The following RPRD1B variants were observed in gnomAD, a reference collection of about 807,000 sequenced individuals.
RPRD1B encodes regulation of nuclear pre-mRNA domain-containing protein 1B.
Under a neutral mutation model 41.5 loss-of-function variants are expected in RPRD1B, and 11 were observed. The ratio of observed to expected loss-of-function variants is 0.27; its 90% confidence interval spans 0.17 to 0.44. RPRD1B has a LOEUF of 0.44. Among genes scored for constraint, RPRD1B ranks in the 20% least tolerant of loss-of-function variants. The pLI is 1.00. For missense variants in RPRD1B, 248 were observed against 389.9 expected, an observed-to-expected ratio of 0.64 and a Z score of 3.06; for synonymous variants, 158 against 155.6, an observed-to-expected ratio of 1.02 and a Z score of -0.12.
intron 6 of RPRD1B, chr20:38,070,372 A>G (rs760513785): frequency 1.2e-4 from 123 of 985,418 alleles, no homozygotes; most frequent in Non-Finnish European, 1.5e-4. Flanking sequence ...GGAAGCACAA[A>G]TGGCAGCCCA....
intron 6 of RPRD1B, among the ~76,000 whole-genome samples, chr20:38,074,174 C>CT (rs1489002839): frequency 1.3e-5 from 2 of 152,032 alleles, no homozygotes; most frequent in Admixed American, 1.3e-4. Context: ...CTTTTATTTT[C>CT]TTTTTTTCCG....
intron 6 of RPRD1B, among the ~76,000 whole-genome samples, chr20:38,084,377 A>T (rs2074542023): frequency 6.6e-6 from 1 of 152,338 alleles, no homozygotes; most frequent in South Asian, 2.1e-4. Context: ...ACAGGGCAAG[A>T]TGATGGAGAT....
At chr20:38,044,682 C>G (rs777597468) in intron 2 of RPRD1B, among the ~76,000 whole-genome samples, 1 of 152,108 alleles carries the variant, frequency 6.6e-6, no homozygotes, top group Non-Finnish European at 1.5e-5. Flanking sequence ...CTCAGGTGTT[C>G]ATTAAGAACC....
intron 1 of RPRD1B, 78 bp downstream of exon 1, chr20:38,034,176 C>G: frequency 1.4e-6 from 2 of 1,454,948 alleles, no homozygotes; most frequent in South Asian, 1.3e-5. Context: ...CCCTCTAAGC[C>G]TCTTCATTGA....
At chr20:38,083,355 G>A (rs1367768896) in intron 6 of RPRD1B, among the ~76,000 whole-genome samples, 2 of 152,186 alleles carry the variant, frequency 1.3e-5, no homozygotes, top group African/African-American at 4.8e-5. Flanking sequence ...CATTTTATGA[G>A]CATCTGTTAA....
intron 1 of RPRD1B, among the ~76,000 whole-genome samples, chr20:38,038,657 T>C (rs555373891): frequency 2.0e-5 from 3 of 151,916 alleles, no homozygotes; most frequent in African/African-American, 7.2e-5. Context: ...CCACCACGCC[T>C]GGCTAATTTT....
At chr20:38,075,213 G>A (rs956668247) in intron 6 of RPRD1B, among the ~76,000 whole-genome samples, 3 of 152,190 alleles carry the variant, frequency 2.0e-5, no homozygotes, top group African/African-American at 7.2e-5. Context: ...ACCAGAATGC[G>A]TTCCTGCTGT....
intron 6 of RPRD1B, chr20:38,070,740 T>C (rs2074404626): frequency 1.5e-6 from 1 of 666,610 alleles, no homozygotes; most frequent in Non-Finnish European, 1.9e-6. Context: ...TAACTGTGAT[T>C]TTTTTTTTTT....
At chr20:38,066,314 T>G in intron 6 of RPRD1B, 58 bp downstream of exon 6, 2 of 1,501,994 alleles carry the variant, frequency 1.3e-6, no homozygotes, top group Non-Finnish European at 1.8e-6. Context: ...TAGCCCACAT[T>G]AGGAGGTTTT....
At chr20:38,038,625 T>C (rs983481452) in intron 1 of RPRD1B, among the ~76,000 whole-genome samples, 1 of 151,160 alleles carries the variant, frequency 6.6e-6, no homozygotes, top group African/African-American at 2.4e-5. Context: ...GCCTCCTGAG[T>C]AGCTGGGACT....
At chr20:38,084,213 A>G (rs1006727619) in intron 6 of RPRD1B, among the ~76,000 whole-genome samples, 1 of 152,102 alleles carries the variant, frequency 6.6e-6, no homozygotes, top group African/African-American at 2.4e-5. Flanking sequence ...CCTCCATACT[A>G]TGAAGCAGTC....
Position 38,053,771 on chromosome 20 carries a change from AAAT to A in RPRD1B, c.416-3756_416-3754del, listed in dbSNP as rs1453347269. On this transcript the variant is annotated intron_variant, in intron 3 of 6. Coordinates refer to ENST00000373433, the MANE Select transcript of RPRD1B (RefSeq NM_021215.4). ...TACATATTGAATATATTTTGGGTAAAAATAATACATATTTTAAAAATGAAATGG... is the reference window on the plus strand; with the variant it reads ...TACATATTGAATATATTTTGGGTAAAAATACATATTTTAAAAATGAAATGG... Among the ~76,000 whole-genome samples, 3 of 152,240 alleles carry A rather than the reference AAAT, an allele frequency of 2.0e-5. No homozygotes were observed. In the East Asian group the frequency reaches 5.8e-4, roughly 29 times the overall value.
At chr20:38,045,498 G>T (rs2074111837) in intron 2 of RPRD1B, among the ~76,000 whole-genome samples, 1 of 152,164 alleles carries the variant, frequency 6.6e-6, no homozygotes. Context: ...TATCTGTCCT[G>T]GTTAGTTATA....
At chr20:38,068,897 A>G (rs1374636572) in intron 6 of RPRD1B, among the ~76,000 whole-genome samples, 4 of 152,192 alleles carry the variant, frequency 2.6e-5, no homozygotes, top group African/African-American at 7.2e-5. Context: ...CAGTACATAA[A>G]GTTTACCCAC....
At chr20:38,082,958 A>AGC (rs1258507152) in intron 6 of RPRD1B, among the ~76,000 whole-genome samples, 4 of 152,338 alleles carry the variant, frequency 2.6e-5, no homozygotes, top group African/African-American at 9.6e-5. Flanking sequence ...CAAATACACA[A>AGC]GCACACACAC....
chr20:38,067,277 C>T (rs1303579533), intron 6 of RPRD1B, among the ~76,000 whole-genome samples: 2 of 152,208 alleles, frequency 1.3e-5, no homozygotes, highest in Non-Finnish European at 2.9e-5. Flanking sequence ...GGCTGCTGCA[C>T]TTCCTTTTCA....
chr20:38,057,771 C>T (rs145113299), intron 4 of RPRD1B, 127 bp downstream of exon 4: 8 of 621,682 alleles, frequency 1.3e-5, no homozygotes, highest in African/African-American at 3.7e-5. Flanking sequence ...TCAGGGGCCC[C>T]GTGCATCATC....
At position 38,089,782 on chromosome 20, in the gene RPRD1B, T is replaced by C. The variant is rs2074596692; in HGVS notation, c.888T>C (p.His296=). Residue 296 remains histidine (H), a synonymous_variant, in exon 7 of 7, where the codon CAT becomes CAC. Coordinates refer to ENST00000373433, the MANE Select transcript of RPRD1B (RefSeq NM_021215.4). The part of the protein sequence containing the change: ...VTQVRKELKS[H]IQSLPDLSLL... ...AGGTCCGCAAGGAACTGAAATCCCA[T>C]ATTCAGAGCTTGCCAGACCTCTCAC... is the stretch of plus-strand genomic sequence containing the variant. 2 of 1,614,140 alleles carry C rather than the reference T, an allele frequency of 1.2e-6. No individual in the cohort carries two copies. The highest frequency in any genetic ancestry group is 1.6e-4 in the Middle Eastern group (1 of 6,062).
Position 38,090,630 on chromosome 20 carries a change from G to C in RPRD1B, c.*755G>C, listed in dbSNP as rs2074604390. 6.1e-6 allele frequency: 6 copies of C among 985,460 alleles called. No individual in the cohort carries two copies. Among genetic ancestry groups the C allele is most frequent in the Non-Finnish European group, 7.2e-6 (6 of 829,924 alleles). 61.0% of individuals were successfully genotyped at this position (985,460 alleles called of 1,614,324 possible). On this transcript the variant is annotated 3_prime_UTR_variant, in exon 7 of 7. Coordinates refer to ENST00000373433, the MANE Select transcript of RPRD1B (RefSeq NM_021215.4). ...CCCATGCTGCACTTCTCCACTGTCG[G>C]AGCACGTTCCGAAAAACAGAATGCC... is the stretch of plus-strand genomic sequence containing the variant.
Sources: gnomAD v4.1 joint callset for allele counts (sites outside exome capture counted in the v4.1 genomes callset) on GRCh38, gnomAD v4.1.1 for gene constraint, MANE v1.5 for transcripts, NCBI Gene and HGNC (gene_info 2026-07-23, HGNC 2026-07-21) for gene names.